Variants in NNAT observed in about 807,000 individuals in gnomAD.
The protein encoded by NNAT is neuronatin.
In NNAT, 8 loss-of-function variants were observed where a neutral mutation model predicts 12.7. That is an observed-to-expected ratio of 0.63 (90% CI 0.37 to 1.14). NNAT has a LOEUF of 1.14. Among genes scored for constraint, NNAT ranks in the 50% most tolerant of loss-of-function variants. NNAT has a pLI of 0.01. For missense variants in NNAT, 94 were observed against 108.3 expected, an observed-to-expected ratio of 0.87 and a Z score of 0.59; for synonymous variants, 52 against 48.5, an observed-to-expected ratio of 1.07 and a Z score of -0.30.
Position 37,521,496 on chromosome 20 carries a change from G to T in NNAT, c.72+93G>T. On this transcript the variant is annotated intron_variant, in intron 1 of 2. Coordinates refer to ENST00000649451, the MANE Select transcript of NNAT (RefSeq NM_005386.4). The surrounding 1 kb of genome is among the most constrained non-coding windows in gnomAD (Gnocchi z 4.5). Reference sequence around the variant, plus strand: ...GTCGCGATTGCCGCTTCCCGGACCCGTCCTATTCCGATTGCCGCGATCCTT... The same window carrying T: ...GTCGCGATTGCCGCTTCCCGGACCCTTCCTATTCCGATTGCCGCGATCCTT... The T allele has an allele frequency of 7.8e-7, 1 of 1,279,142 alleles. No individual in the cohort carries two copies. 79.2% of individuals were successfully genotyped at this position (1,279,142 alleles called of 1,614,324 possible).
intron 2 of NNAT, 69 bp from the exon 3 acceptor site, chr20:37,522,598 G>GGGGCGC: frequency 1.2e-6 from 1 of 864,472 alleles, no homozygotes; most frequent in Non-Finnish European, 1.7e-6. Flanking sequence ...GCGGGGGTGG[G>GGGGCGC]CACGGCAGCA....
Position 37,522,809 on chromosome 20 carries a change from A to G in NNAT, c.*50A>G. ...GCCGTATCATCAGGTGCTCCTGTGC[A>G]TCTCGGCCAGCACGGGAGCCAGTGC... is the stretch of plus-strand genomic sequence containing the variant. On this transcript the variant is annotated 3_prime_UTR_variant, in exon 3 of 3. Coordinates refer to ENST00000649451, the MANE Select transcript of NNAT (RefSeq NM_005386.4). 6.7e-7 allele frequency: 1 copy of G among 1,499,564 alleles called. No homozygotes were observed. Among genetic ancestry groups the G allele is most frequent in the South Asian group, 1.2e-5 (1 of 81,774 alleles). 92.9% of individuals were successfully genotyped at this position (1,499,564 alleles called of 1,614,324 possible).
Position 37,522,853 on chromosome 20 carries a change from C to G in NNAT, c.*94C>G, listed in dbSNP as rs979658870. 4 of 1,139,992 alleles carry G rather than the reference C, an allele frequency of 3.5e-6. No homozygotes were observed. In the African/African-American group the frequency reaches 6.2e-5, roughly 18 times the overall value. The allele number at this position is 1,139,992 out of a possible 1,614,324, so 70.6% of individuals were successfully genotyped here. ...CCAGTGCCGCGCAGGAATGTGGGGT[C>G]CCCTGTGTTCCCTCGCCAGAGGAGC... On this transcript the variant is annotated 3_prime_UTR_variant, in exon 3 of 3. Transcript: ENST00000649451.
At position 37,521,489 on chromosome 20, in the gene NNAT, C is replaced by G; in HGVS notation, c.72+86C>G. Reference sequence around the variant, plus strand: ...AGACTGCGTCGCGATTGCCGCTTCCCGGACCCGTCCTATTCCGATTGCCGC... The same window carrying G: ...AGACTGCGTCGCGATTGCCGCTTCCGGGACCCGTCCTATTCCGATTGCCGC... On this transcript the variant is annotated intron_variant, in intron 1 of 2. Coordinates refer to ENST00000649451, the MANE Select transcript of NNAT (RefSeq NM_005386.4). The surrounding 1 kb of genome is among the most constrained non-coding windows in gnomAD (Gnocchi z 4.5). 7.5e-7 allele frequency: 1 copy of G among 1,333,722 alleles called. No homozygotes were observed. Among genetic ancestry groups the G allele is most frequent in the South Asian group, 1.2e-5 (1 of 84,464 alleles). The allele number at this position is 1,333,722 out of a possible 1,614,324, so 82.6% of individuals were successfully genotyped here.
Position 37,521,659 on chromosome 20 carries a change from C to G in NNAT, c.72+256C>G, listed in dbSNP as rs2071580114. The G allele has an allele frequency of 2.0e-6, 1 of 503,650 alleles. No individual in the cohort carries two copies. The highest frequency in any genetic ancestry group is 3.6e-6 in the Non-Finnish European group (1 of 279,534). The allele number at this position is 503,650 out of a possible 1,614,324, so 31.2% of individuals were successfully genotyped here. ...GGGCGCGGCGGGCGACCGCTGCGGA[C>G]GATCACCCAGGCATTTAGCGACCTA... is the stretch of plus-strand genomic sequence containing the variant. On this transcript the variant is annotated intron_variant, in intron 1 of 2. Coordinates refer to ENST00000649451, the MANE Select transcript of NNAT (RefSeq NM_005386.4). The surrounding 1 kb of genome is among the most constrained non-coding windows in gnomAD (Gnocchi z 4.5).
At chr20:37,522,180 C>A (rs376138308) in intron 1 of NNAT, among the ~76,000 whole-genome samples, 178 bp from the exon 2 acceptor site, 251 of 104,498 alleles carry the variant, frequency 2.4e-3, no homozygotes, top group Middle Eastern at 7.2e-3. Context: ...AATTGCTTTA[C>A]AAAAAAAAAA....
At position 37,523,633 on chromosome 20, in the gene NNAT, C is replaced by T. The variant is rs2071667488; in HGVS notation, c.*874C>T. On this transcript the variant is annotated 3_prime_UTR_variant, in exon 3 of 3. Coordinates refer to ENST00000649451, the MANE Select transcript of NNAT (RefSeq NM_005386.4). ...ACCTCTACAAAAAATAAAAAAAGTA[C>T]CTCCCCTGTCTCGCACAGTGTCCCA... 1 of 152,644 alleles carries T rather than the reference C, an allele frequency of 6.6e-6. No homozygotes were observed. Among genetic ancestry groups the T allele is most frequent in the South Asian group, 2.1e-4 (1 of 4,820 alleles). 9.5% of individuals were successfully genotyped at this position (152,644 alleles called of 1,614,324 possible).
At position 37,522,357 on chromosome 20, in the gene NNAT, G is replaced by T; in HGVS notation, c.73-1G>T. ...CAAAGGAATCGCATATTTCCTTCAA[G>T]GTGTTCCTGGAATGCTGCATTTACT... On this transcript the variant is annotated splice_acceptor_variant, in intron 1 of 2. Transcript: ENST00000649451. LOFTEE classifies it high-confidence loss of function. The T allele has an allele frequency of 6.2e-7, 1 of 1,613,550 alleles. No individual in the cohort carries two copies. The highest frequency in any genetic ancestry group is 8.5e-7 in the Non-Finnish European group (1 of 1,179,654).
chr20:37,523,481 T>C lies in NNAT; in HGVS notation c.*722T>C, dbSNP rs1472332531. ...CTGAACCCCCCTTGCCCCTCACTGA[T>C]CTTGCTTTTCCCTGGTCTCATGCAG... On this transcript the variant is annotated 3_prime_UTR_variant, in exon 3 of 3. Coordinates refer to ENST00000649451, the MANE Select transcript of NNAT (RefSeq NM_005386.4). 4 of 152,750 alleles carry C rather than the reference T, an allele frequency of 2.6e-5. No individual in the cohort carries two copies. The highest frequency in any genetic ancestry group is 2.6e-4 in the Admixed American group (4 of 15,284). 9.5% of individuals were successfully genotyped at this position (152,750 alleles called of 1,614,324 possible). A position where few individuals can be genotyped will look rare whatever the true frequency, so the allele number is the denominator to read the frequency against.
chr20:37,522,319 AG>A (rs2071613515), intron 1 of NNAT, 38 bp from the exon 2 acceptor site: 2 of 1,565,296 alleles, frequency 1.3e-6, no homozygotes, highest in African/African-American at 1.4e-5. Flanking sequence ...TCCCTGCTAA[AG>A]GAATCCTTTG....
chr20:37,522,936 C>T lies in NNAT; in HGVS notation c.*177C>T, dbSNP rs1199174375. 6.9e-6 allele frequency: 4 copies of T among 583,702 alleles called. No homozygotes were observed. The highest frequency in any genetic ancestry group is 1.9e-5 in the African/African-American group (1 of 53,230). The allele number at this position is 583,702 out of a possible 1,614,324, so 36.2% of individuals were successfully genotyped here. A position where few individuals can be genotyped will look rare whatever the true frequency, so the allele number is the denominator to read the frequency against. On this transcript the variant is annotated 3_prime_UTR_variant, in exon 3 of 3. Transcript: ENST00000649451. ...CCCGGAGAAGCAGTACCGACAATGA[C>T]GAAGATACCAGATCCCTTCCCAACC...
At position 37,521,385 on chromosome 20, in the gene NNAT, C is replaced by G; in HGVS notation, c.54C>G (p.Ile18Met). The change falls in exon 1 of 3, where the codon ATC (isoleucine) becomes ATG (methionine). Residue 18 changes from isoleucine (I) to methionine (M), a missense_variant. Transcript: ENST00000649451. This position sits in a 1 kb window ranked among gnomAD's most constrained non-coding sequence, Gnocchi z 4.5. Reference protein sequence around the residue: ...SAELLIIGWYIFRVLLQVFLE... With the variant: ...SAELLIIGWYMFRVLLQVFLE... ...AACTGCTCATCATCGGCTGGTACAT[C>G]TTCCGCGTGCTGCTGCAGGTAAGTC... 1.2e-6 allele frequency: 2 copies of G among 1,614,120 alleles called. No individual in the cohort carries two copies. Among genetic ancestry groups the G allele is most frequent in the Non-Finnish European group, 1.7e-6 (2 of 1,179,970 alleles).
rs775065905 is a variant in NNAT, at chr20:37,522,786, C to T, written c.*27C>T. On this transcript the variant is annotated 3_prime_UTR_variant, in exon 3 of 3. Transcript: ENST00000649451. ...GCCCCAGCTCCCAGCCCTGGGCGGC[C>T]GTATCATCAGGTGCTCCTGTGCATC... 2.6e-6 allele frequency: 4 copies of T among 1,561,304 alleles called. No homozygotes were observed. The highest frequency in any genetic ancestry group is 2.3e-5 in the South Asian group (2 of 85,448).
chr20:37,521,390 G>A lies in NNAT; in HGVS notation c.59G>A (p.Arg20His), dbSNP rs2071563242. Reference sequence around the variant, plus strand: ...CTCATCATCGGCTGGTACATCTTCCGCGTGCTGCTGCAGGTAAGTCTGACG... The same window carrying A: ...CTCATCATCGGCTGGTACATCTTCCACGTGCTGCTGCAGGTAAGTCTGACG... ...ELLIIGWYIF[R>H]VLLQVFLECC... Residue 20 changes from arginine (R) to histidine (H), a missense_variant, in exon 1 of 3, where the codon CGC becomes CAC. By Grantham distance (29) the Arg-to-His change is conservative. Transcript: ENST00000649451. The surrounding 1 kb of genome is among the most constrained non-coding windows in gnomAD (Gnocchi z 4.5). The A allele has an allele frequency of 4.3e-6, 7 of 1,614,090 alleles. No individual in the cohort carries two copies. Among genetic ancestry groups the A allele is most frequent in the Non-Finnish European group, 5.9e-6 (7 of 1,179,964 alleles).
At chr20:37,522,640 G>A (rs1336046140) in intron 2 of NNAT, 27 bp from the exon 3 acceptor site, 1 of 1,595,966 alleles carries the variant, frequency 6.3e-7, no homozygotes, top group Non-Finnish European at 8.5e-7. Flanking sequence ...TCTCCACTAA[G>A]GGTGGGTCCT....
chr20:37,522,503 TC>T, intron 2 of NNAT, 65 bp downstream of exon 2: 1 of 1,516,388 alleles, frequency 6.6e-7, no homozygotes, highest in Non-Finnish European at 9.1e-7. Context: ...TTGGAAAAGC[TC>T]CAGCTGCCCT....
rs753074893 is a variant in NNAT, at chr20:37,521,348, C to T, written c.17C>T (p.Ala6Val). 2.5e-6 allele frequency: 4 copies of T among 1,613,946 alleles called. No individual in the cohort carries two copies. Among genetic ancestry groups the T allele is most frequent in the Non-Finnish European group, 3.4e-6 (4 of 1,179,956 alleles). Residue 6 changes from alanine to valine, a missense_variant, in exon 1 of 3, where the codon GCG becomes GTG. Ala to Val is a moderately conservative substitution (Grantham distance 64, BLOSUM62 0). Coordinates refer to ENST00000649451, the MANE Select transcript of NNAT (RefSeq NM_005386.4). This position sits in a 1 kb window ranked among gnomAD's most constrained non-coding sequence, Gnocchi z 4.5. ...CTTGGAACCATGGCGGCAGTGGCGGCGGCCTCGGCTGAACTGCTCATCATC... is the reference window on the plus strand; with the variant it reads ...CTTGGAACCATGGCGGCAGTGGCGGTGGCCTCGGCTGAACTGCTCATCATC... MAAVA[A>V]ASAELLIIGW... is the part of the protein sequence containing the mutation.
chr20:37,522,951 C>T lies in NNAT; in HGVS notation c.*192C>T. On this transcript the variant is annotated 3_prime_UTR_variant, in exon 3 of 3. Coordinates refer to ENST00000649451, the MANE Select transcript of NNAT (RefSeq NM_005386.4). ...CCGACAATGACGAAGATACCAGATC[C>T]CTTCCCAACCCCTTTGCACCGGTCC... The T allele has an allele frequency of 3.5e-6, 2 of 570,272 alleles. No individual in the cohort carries two copies. The highest frequency in any genetic ancestry group is 6.2e-6 in the Non-Finnish European group (2 of 320,756). 35.3% of individuals were successfully genotyped at this position (570,272 alleles called of 1,614,324 possible). A position where few individuals can be genotyped will look rare whatever the true frequency, so the allele number is the denominator to read the frequency against.
At chr20:37,522,635 A>C in intron 2 of NNAT, 32 bp from the exon 3 acceptor site, 4 of 1,588,604 alleles carry the variant, frequency 2.5e-6, no homozygotes, top group Non-Finnish European at 3.4e-6. Flanking sequence ...GGTGCTCTCC[A>C]CTAAGGGTGG....
Sources: gnomAD v4.1 joint callset for allele counts (sites outside exome capture counted in the v4.1 genomes callset) on GRCh38, gnomAD v4.1.1 for gene constraint, Gnocchi (gnomAD v3.1) non-coding constraint, MANE v1.5 for transcripts, NCBI Gene and HGNC (gene_info 2026-07-23, HGNC 2026-07-21) for gene names.